The following ACER2 variants were observed in gnomAD, a reference collection of about 807,000 sequenced individuals.
The protein encoded by ACER2 is alkaline ceramidase 2.
Under a neutral mutation model 34.7 loss-of-function variants are expected in ACER2, and 26 were observed. The observed-to-expected ratio is 0.75, with a 90% CI of 0.55 to 1.04. The LOEUF (loss-of-function observed/expected upper bound fraction) is 1.04, where lower values mean the gene tolerates loss of function less well. Ranked by LOEUF, ACER2 falls within the 50% of genes least tolerant of loss-of-function variation. ACER2 has a pLI of 0.00. For synonymous variants in ACER2, 138 were observed against 132.1 expected (o/e 1.04, Z -0.31); for missense variants, 352 against 340.8 (o/e 1.03, Z -0.26).
At chr9:19,422,787 TTGGGAGGCC>T (rs1830443946) in intron 1 of ACER2, among the ~76,000 whole-genome samples, 1 of 151,808 alleles carries the variant, frequency 6.6e-6, no homozygotes, top group African/African-American at 2.4e-5. Flanking sequence ...TCCCAGAACT[TTGGGAGGCC>T]TGAGACGAGT....
At chr9:19,409,815 CTG>C (rs1402129013) in intron 1 of ACER2, 1 of 985,228 alleles carries the variant, frequency 1.0e-6, no homozygotes, top group Non-Finnish European at 1.2e-6. Context: ...TCCCCCAGGA[CTG>C]TGCTTTCTCC....
intron 5 of ACER2, among the ~76,000 whole-genome samples, chr9:19,447,860 T>C (rs540550076): frequency 2.0e-5 from 3 of 152,156 alleles, no homozygotes; most frequent in Non-Finnish European, 4.4e-5. Flanking sequence ...ATAGAAAGAA[T>C]GGCTCTCATA....
intron 1 of ACER2, among the ~76,000 whole-genome samples, chr9:19,415,831 C>T (rs528383791): frequency 6.6e-6 from 1 of 152,002 alleles, no homozygotes; most frequent in South Asian, 2.1e-4. Flanking sequence ...GTGCTCCTTC[C>T]ACTGGAAAAT....
intron 5 of ACER2, among the ~76,000 whole-genome samples, chr9:19,449,044 C>T (rs188992032): frequency 3.9e-5 from 6 of 152,212 alleles, no homozygotes; most frequent in South Asian, 2.1e-4. Flanking sequence ...GCAGGAGAAT[C>T]GTTTGAACCT....
chr9:19,452,054 G>A lies in ACER2; in HGVS notation c.*1418G>A, dbSNP rs1049847963. On this transcript the variant is annotated 3_prime_UTR_variant, in exon 6 of 6. Coordinates refer to ENST00000340967, the MANE Select transcript of ACER2 (RefSeq NM_001010887.3). Reference sequence around the variant, plus strand: ...AATTTTTCTCACCTAATGTGACACTGGCTACAATGAATCTTCTCTTCATCG... The same window carrying A: ...AATTTTTCTCACCTAATGTGACACTAGCTACAATGAATCTTCTCTTCATCG... 9 of 152,604 alleles carry A rather than the reference G, an allele frequency of 5.9e-5. No homozygotes were observed. Among genetic ancestry groups the A allele is most frequent in the African/African-American group, 2.2e-4 (9 of 41,424 alleles). 9.5% of individuals were successfully genotyped at this position (152,604 alleles called of 1,614,324 possible).
intron 1 of ACER2, among the ~76,000 whole-genome samples, chr9:19,422,673 T>C (rs1470379869): frequency 1.3e-5 from 2 of 151,490 alleles, no homozygotes; most frequent in African/African-American, 4.9e-5. Flanking sequence ...GTCCAGTCTT[T>C]TTTACGCCTT....
chr9:19,430,655 C>T (rs1265909908), intron 3 of ACER2, among the ~76,000 whole-genome samples: 1 of 152,018 alleles, frequency 6.6e-6, no homozygotes, highest in African/African-American at 2.4e-5. Flanking sequence ...AGATGGCCTC[C>T]CTAAAGAAAG....
At chr9:19,433,776 G>C (rs1169909477) in intron 3 of ACER2, among the ~76,000 whole-genome samples, 2 of 151,332 alleles carry the variant, frequency 1.3e-5, no homozygotes, top group East Asian at 2.0e-4. Flanking sequence ...GGCTGGCCGG[G>C]CGGGGGGCTG....
At chr9:19,415,074 G>T (rs879511370) in intron 1 of ACER2, among the ~76,000 whole-genome samples, 3 of 152,044 alleles carry the variant, frequency 2.0e-5, no homozygotes, top group Non-Finnish European at 4.4e-5. Context: ...TCTTTAAAAG[G>T]TACAGTGGGG....
intron 1 of ACER2, among the ~76,000 whole-genome samples, chr9:19,417,024 CA>C (rs752258946): frequency 3.3e-5 from 5 of 152,284 alleles, no homozygotes; most frequent in Middle Eastern, 6.8e-3. Flanking sequence ...GCATCTCCAG[CA>C]AAGTCTCAGG....
intron 1 of ACER2, among the ~76,000 whole-genome samples, chr9:19,415,547 TAA>T: frequency 6.6e-6 from 1 of 151,814 alleles, no homozygotes; most frequent in Admixed American, 6.6e-5. Context: ...AATTAAAAAT[TAA>T]AAAAAAGTTT....
Position 19,409,707 on chromosome 9 carries a change from A to G in ACER2, c.108+515A>G, listed in dbSNP as rs550041346. 1.2e-5 allele frequency: 12 copies of G among 980,884 alleles called. No homozygotes were observed. In the East Asian group the frequency reaches 1.1e-3, roughly 93 times the overall value. 60.8% of individuals were successfully genotyped at this position (980,884 alleles called of 1,614,324 possible). ...TTGCCCCACCCCCAAGAACATGCCT[A>G]TAATGGTCGAGTTATTTTTGGTCAG... On this transcript the variant is annotated intron_variant, in intron 1 of 5. Coordinates refer to ENST00000340967, the MANE Select transcript of ACER2 (RefSeq NM_001010887.3).
chr9:19,447,970 A>T (rs1022532015), intron 5 of ACER2, among the ~76,000 whole-genome samples: 13 of 116,182 alleles, frequency 1.1e-4, no homozygotes, highest in African/African-American at 3.4e-4. Context: ...GTCTACTTTT[A>T]AAAAAAATAG....
intron 4 of ACER2, 198 bp from the exon 5 acceptor site, chr9:19,446,083 A>G: frequency 1.2e-6 from 1 of 828,824 alleles, no homozygotes. Context: ...CCTGGGTGGG[A>G]AGGGTGTCTG....
chr9:19,409,252 C>T, intron 1 of ACER2, 60 bp downstream of exon 1: 1 of 1,497,162 alleles, frequency 6.7e-7, no homozygotes, highest in Non-Finnish European at 9.1e-7. Context: ...GTTCCCGCGC[C>T]GCAGCGTCTG....
Position 19,409,714 on chromosome 9 carries a change from T to A in ACER2, c.108+522T>A, listed in dbSNP as rs1469640104. 3 of 982,658 alleles carry A rather than the reference T, an allele frequency of 3.1e-6. No individual in the cohort carries two copies. In the East Asian group the frequency reaches 3.4e-4, roughly 112 times the overall value. The allele number at this position is 982,658 out of a possible 1,614,324, so 60.9% of individuals were successfully genotyped here. On this transcript the variant is annotated intron_variant, in intron 1 of 5. Transcript: ENST00000340967. ...ACCCCCAAGAACATGCCTATAATGG[T>A]CGAGTTATTTTTGGTCAGAATCAAG...
chr9:19,450,608 A>G lies in ACER2; in HGVS notation c.800A>G (p.Asn267Ser), dbSNP rs61978563. 15 of 1,580,550 alleles carry G rather than the reference A, an allele frequency of 9.5e-6. 1 individual carries two copies. In the South Asian group the frequency reaches 1.7e-4, roughly 18 times the overall value. ...GVPYVSLLCA[N>S]KKSSVKIT The stretch of plus-strand genomic sequence containing the variant: ...CCCTATGTGTCCCTCCTGTGTGCCA[A>G]CAAGAAATCATCAGTCAAGATCACG... The change falls in exon 6 of 6, where the codon AAC (asparagine) becomes AGC (serine). Residue 267 changes from asparagine (N) to serine (S), a missense_variant. Physicochemically the swap from Asn to Ser is conservative, Grantham distance 46. Coordinates refer to ENST00000340967, the MANE Select transcript of ACER2 (RefSeq NM_001010887.3).
At chr9:19,424,883 AG>A (rs773954279) in intron 3 of ACER2, 42 bp downstream of exon 3, 2 of 1,611,410 alleles carry the variant, frequency 1.2e-6, no homozygotes, top group Non-Finnish European at 8.5e-7. Flanking sequence ...CACTAGGTGC[AG>A]TACCCAATAT....
chr9:19,432,258 T>C (rs1233618097), intron 3 of ACER2, among the ~76,000 whole-genome samples: 2 of 152,212 alleles, frequency 1.3e-5, no homozygotes, highest in Non-Finnish European at 1.5e-5. Context: ...TTTTTCTTAG[T>C]CTATTGGAAT....
Sources: allele counts gnomAD v4.1 joint callset (sites outside exome capture counted in the v4.1 genomes callset), GRCh38; gene constraint gnomAD v4.1.1; transcripts MANE v1.5; gene names NCBI Gene and HGNC (gene_info 2026-07-23, HGNC 2026-07-21).